The following NALF1 variants were observed in gnomAD, a reference collection of about 807,000 sequenced individuals.
NALF1 encodes the protein family with sequence similarity 155 member A.
A neutral mutation model predicts 48.4 loss-of-function variants in NALF1; 3 were observed. The observed-to-expected ratio is 0.06, with a 90% confidence interval of 0.03 to 0.16. The LOEUF (loss-of-function observed/expected upper bound fraction) is 0.16. Ranked by LOEUF, NALF1 falls within the 10% of genes least tolerant of loss-of-function variation. The pLI, the probability that NALF1 is intolerant of heterozygous loss-of-function variation, is 1.00. For missense variants in NALF1, 526 were observed against 571.5 expected, an observed-to-expected ratio of 0.92 and a Z score of 0.81; for synonymous variants, 262 against 245.7, an observed-to-expected ratio of 1.07 and a Z score of -0.62.
chr13:107,392,804 G>A (rs1883649883), intron 1 of NALF1, among the ~76,000 whole-genome samples: 1 of 152,104 alleles, frequency 6.6e-6, no homozygotes, highest in Non-Finnish European at 1.5e-5. Flanking sequence ...GTTTGGTGCT[G>A]TCCCCTTGCA....
intron 1 of NALF1, among the ~76,000 whole-genome samples, chr13:107,713,900 G>A (rs1875673458): frequency 6.6e-6 from 1 of 152,168 alleles, no homozygotes; most frequent in African/African-American, 2.4e-5. Flanking sequence ...TAGGCAGTAT[G>A]CTTTAGAGAC....
intron 1 of NALF1, among the ~76,000 whole-genome samples, chr13:107,605,113 G>A (rs977788038): frequency 2.0e-5 from 3 of 152,078 alleles, no homozygotes; most frequent in African/African-American, 4.8e-5. Context: ...CTCTAGAAAC[G>A]AACTCTTAGC....
chr13:107,194,423 C>G (rs1377390775), intron 2 of NALF1, among the ~76,000 whole-genome samples: 4 of 152,120 alleles, frequency 2.6e-5, no homozygotes, highest in African/African-American at 7.2e-5. Flanking sequence ...AAGCCAAATA[C>G]TTACAGCCAA....
At chr13:107,518,933 T>C (rs1876147944) in intron 1 of NALF1, among the ~76,000 whole-genome samples, 1 of 152,130 alleles carries the variant, frequency 6.6e-6, no homozygotes, top group Non-Finnish European at 1.5e-5. Context: ...GAGGCCACAG[T>C]GATCCTGTGG....
At chr13:107,729,494 T>C (rs1184602801) in intron 1 of NALF1, among the ~76,000 whole-genome samples, 2 of 152,070 alleles carry the variant, frequency 1.3e-5, no homozygotes, top group Non-Finnish European at 2.9e-5. Context: ...TTTTTTTTTT[T>C]GAGACAGTGT....
intron 1 of NALF1, among the ~76,000 whole-genome samples, chr13:107,525,293 T>C (rs1176533410): frequency 6.6e-6 from 1 of 152,126 alleles, no homozygotes; most frequent in East Asian, 1.9e-4. Context: ...AATCCTGAAG[T>C]TGATGGTCAA....
intron 1 of NALF1, among the ~76,000 whole-genome samples, chr13:107,449,416 G>T (rs531946619): frequency 1.3e-5 from 2 of 152,216 alleles, no homozygotes; most frequent in South Asian, 4.2e-4. Context: ...CATAAAGAAA[G>T]AAATGGATGA....
intron 1 of NALF1, among the ~76,000 whole-genome samples, chr13:107,721,890 T>A (rs1452606799): frequency 2.0e-5 from 3 of 152,198 alleles, no homozygotes; most frequent in Non-Finnish European, 2.9e-5. Context: ...GATTCATGAA[T>A]ATTTTAAAAC....
intron 1 of NALF1, among the ~76,000 whole-genome samples, chr13:107,381,884 C>T (rs1428137484): frequency 2.0e-5 from 3 of 152,148 alleles, no homozygotes; most frequent in African/African-American, 7.2e-5. Context: ...GATGCATTCC[C>T]AGCTTTACTT....
At position 107,506,898 on chromosome 13, in the gene NALF1, A is replaced by C. The variant is rs1442830169; in HGVS notation, c.916-296143T>G. Among the ~76,000 whole-genome samples, 2 of 151,872 alleles carry C rather than the reference A, an allele frequency of 1.3e-5. 1 individual carries two copies. The highest frequency in any genetic ancestry group is 2.9e-5 in the Non-Finnish European group (2 of 67,936). On this transcript the variant is annotated intron_variant, in intron 1 of 2. Coordinates refer to ENST00000375915, the MANE Select transcript of NALF1 (RefSeq NM_001080396.3). ...TTTTTAATTTCTCCTGGCCATATACATAGGAGTGGAATTGTTGAGTAATAG... is the reference window on the plus strand; with the variant it reads ...TTTTTAATTTCTCCTGGCCATATACCTAGGAGTGGAATTGTTGAGTAATAG...
At chr13:107,484,011 T>C (rs951226688) in intron 1 of NALF1, among the ~76,000 whole-genome samples, 2 of 152,180 alleles carry the variant, frequency 1.3e-5, no homozygotes, top group African/African-American at 4.8e-5. Context: ...AAATGTTTTA[T>C]TCACCGTTTA....
Position 107,513,851 on chromosome 13 carries a change from G to A in NALF1, c.916-303096C>T, listed in dbSNP as rs148665605. 1.7e-3 allele frequency among the ~76,000 whole-genome samples: 255 copies of A among 152,296 alleles called. 1 individual carries two copies. Among genetic ancestry groups the A allele is most frequent in the African/African-American group, 3.2e-3 (131 of 41,562 alleles). ...ATAGATGCAAGAAAGGTCTCTGCCCGCTATTTGCCTAAAAGCAGGGCATAG... is the reference window on the plus strand; with the variant it reads ...ATAGATGCAAGAAAGGTCTCTGCCCACTATTTGCCTAAAAGCAGGGCATAG... On this transcript the variant is annotated intron_variant, in intron 1 of 2. Transcript: ENST00000375915.
chr13:107,624,116 G>GA (rs1879603904), intron 1 of NALF1, among the ~76,000 whole-genome samples: 2 of 152,068 alleles, frequency 1.3e-5, no homozygotes, highest in South Asian at 4.1e-4. Context: ...TATGATAGAG[G>GA]AAAAATCATC....
intron 2 of NALF1, among the ~76,000 whole-genome samples, chr13:107,182,251 T>TGC (rs71204817): frequency 7.1e-6 from 1 of 140,906 alleles, no homozygotes; most frequent in East Asian, 2.0e-4. Flanking sequence ...TGTGTGTGTG[T>TGC]CCGTGTGTGT....
At chr13:107,308,949 T>A (rs1881992944) in intron 1 of NALF1, among the ~76,000 whole-genome samples, 1 of 152,204 alleles carries the variant, frequency 6.6e-6, no homozygotes, top group Admixed American at 6.5e-5. Context: ...CTGAAAAACA[T>A]TTGAGGTGTT....
At position 107,479,092 on chromosome 13, in the gene NALF1, A is replaced by G. The variant is rs367893854; in HGVS notation, c.916-268337T>C. On this transcript the variant is annotated intron_variant, in intron 1 of 2. Coordinates refer to ENST00000375915, the MANE Select transcript of NALF1 (RefSeq NM_001080396.3). ...CAAAGGAATGACTTACACTGTCAGT[A>G]CCAACCTTCCTTAGAAGATGCCCTT... Among the ~76,000 whole-genome samples, 65 of 152,300 alleles carry G rather than the reference A, an allele frequency of 4.3e-4. 2 individuals are homozygous for G. In the South Asian group the frequency reaches 0.013, roughly 31 times the overall value.
At chr13:107,804,473 T>C (rs150091802) in intron 1 of NALF1, among the ~76,000 whole-genome samples, 250 of 151,302 alleles carry the variant, frequency 1.7e-3, no homozygotes, top group African/African-American at 5.8e-3. Flanking sequence ...ATCCTCCTCA[T>C]ACCCTCACTC....
intron 2 of NALF1, among the ~76,000 whole-genome samples, chr13:107,202,312 C>T (rs1879537969): frequency 6.7e-6 from 1 of 150,216 alleles, no homozygotes; most frequent in Non-Finnish European, 1.5e-5. Flanking sequence ...TTGATTGTAT[C>T]TATATATAAA....
chr13:107,784,067 G>A (rs1878002898), intron 1 of NALF1, among the ~76,000 whole-genome samples: 1 of 152,086 alleles, frequency 6.6e-6, no homozygotes, highest in African/African-American at 2.4e-5. Flanking sequence ...CCATGAAGAG[G>A]TGCCAGCTGT....
Sources: allele counts gnomAD v4.1 joint callset (sites outside exome capture counted in the v4.1 genomes callset), GRCh38; gene constraint gnomAD v4.1.1; transcripts MANE v1.5; gene names NCBI Gene and HGNC (gene_info 2026-07-23, HGNC 2026-07-21).